Variants in ETV6 observed in about 807,000 individuals in gnomAD.
ETV6 encodes the protein ETS variant transcription factor 6.
In ETV6, 16 loss-of-function variants were observed where a neutral mutation model predicts 51.1. The ratio of observed to expected loss-of-function variants is 0.31; its 90% confidence interval spans 0.21 to 0.48. ETV6 has a LOEUF of 0.48. Among genes scored for constraint, ETV6 ranks in the 20% least tolerant of loss-of-function variants. The pLI, the probability that ETV6 is intolerant of heterozygous loss-of-function variation, is 0.99. For missense variants in ETV6, 458 were observed against 594.8 expected (o/e 0.77, Z 2.39); for synonymous variants, 240 against 224.1 (o/e 1.07, Z -0.64).
At chr12:11,743,580 C>T (rs148277190) in intron 1 of ETV6, among the ~76,000 whole-genome samples, 158 of 152,242 alleles carry the variant, frequency 1.0e-3, no homozygotes, top group African/African-American at 3.6e-3. Flanking sequence ...CATTATTCAG[C>T]GGTTCTCCAC....
chr12:11,792,172 C>T (rs559657353), intron 2 of ETV6, among the ~76,000 whole-genome samples: 14 of 152,344 alleles, frequency 9.2e-5, no homozygotes, highest in Non-Finnish European at 1.8e-4. Flanking sequence ...GTACAGAACA[C>T]TTAGGCAGTA....
intron 1 of ETV6, among the ~76,000 whole-genome samples, chr12:11,697,893 C>G (rs1035337970): frequency 6.6e-6 from 1 of 151,986 alleles, no homozygotes; most frequent in Non-Finnish European, 1.5e-5. Flanking sequence ...CCAATCATGC[C>G]CATAAGGTAA....
At chr12:11,835,156 G>A (rs979457957) in intron 2 of ETV6, among the ~76,000 whole-genome samples, 14 of 152,210 alleles carry the variant, frequency 9.2e-5, no homozygotes, top group Non-Finnish European at 1.6e-4. Context: ...GACCTACTCG[G>A]GAGAGGGGAG....
intron 4 of ETV6, among the ~76,000 whole-genome samples, chr12:11,862,881 G>C (rs1946736299): frequency 6.6e-6 from 1 of 152,166 alleles, no homozygotes; most frequent in Admixed American, 6.5e-5. Flanking sequence ...TCAAGACCTT[G>C]AGCTTATGAC....
At position 11,893,020 on chromosome 12, in the gene ETV6, C is replaced by A. The variant is rs973991216; in HGVS notation, c.*1974C>A. On this transcript the variant is annotated 3_prime_UTR_variant, in exon 8 of 8. Transcript: ENST00000396373. ...AACCTTCCGGGAGGTCAGGGACCTT[C>A]TATATGAGGCGAGTGGGTCTCAGTC... 1.6e-4 allele frequency: 38 copies of A among 232,760 alleles called. No homozygotes were observed. Among genetic ancestry groups the A allele is most frequent in the African/African-American group, 7.7e-4 (35 of 45,296 alleles). The allele number at this position is 232,760 out of a possible 1,614,324, so 14.4% of individuals were successfully genotyped here.
At chr12:11,786,213 CCAT>C (rs1945481233) in intron 2 of ETV6, among the ~76,000 whole-genome samples, 1 of 152,006 alleles carries the variant, frequency 6.6e-6, no homozygotes, top group Non-Finnish European at 1.5e-5. Flanking sequence ...TGGTATGACG[CCAT>C]CATTTCTGGT....
intron 4 of ETV6, among the ~76,000 whole-genome samples, chr12:11,858,869 A>G (rs1946670232): frequency 6.6e-6 from 1 of 152,058 alleles, no homozygotes; most frequent in African/African-American, 2.4e-5. Context: ...ATTGATCTCA[A>G]TTTTTCTTAC....
chr12:11,679,377 T>C (rs1864482869), intron 1 of ETV6, among the ~76,000 whole-genome samples: 1 of 152,234 alleles, frequency 6.6e-6, no homozygotes, highest in Admixed American at 6.5e-5. Context: ...ATGCACAGCA[T>C]AGGTAGAGTA....
chr12:11,738,858 CA>C (rs767416115), intron 1 of ETV6, among the ~76,000 whole-genome samples: 1 of 152,098 alleles, frequency 6.6e-6, no homozygotes, highest in African/African-American at 2.4e-5. Flanking sequence ...AAGTCATATC[CA>C]AAAGAGTGCC....
chr12:11,673,672 A>G (rs1474860515), intron 1 of ETV6, among the ~76,000 whole-genome samples: 1 of 152,176 alleles, frequency 6.6e-6, no homozygotes, highest in Non-Finnish European at 1.5e-5. Flanking sequence ...TAGTTGCCCA[A>G]ATACATCAGT....
At chr12:11,880,046 AAAAAAG>A (rs1281730377) in intron 5 of ETV6, among the ~76,000 whole-genome samples, 99 of 151,582 alleles carry the variant, frequency 6.5e-4, no homozygotes, top group African/African-American at 2.0e-3. Context: ...AAAAAAAAAA[AAAAAAG>A]GAAAAAAAAT....
intron 5 of ETV6, among the ~76,000 whole-genome samples, chr12:11,881,173 C>A (rs957513774): frequency 6.6e-6 from 1 of 152,148 alleles, no homozygotes; most frequent in African/African-American, 2.4e-5. Flanking sequence ...CCCGGACTTT[C>A]AAGCAAGTCT....
Position 11,649,944 on chromosome 12 carries a change from A to G in ETV6, c.-184A>G, listed in dbSNP as rs968066319. 1 of 349,830 alleles carries G rather than the reference A, an allele frequency of 2.9e-6. No individual in the cohort carries two copies. Among genetic ancestry groups the G allele is most frequent in the Non-Finnish European group, 5.1e-6 (1 of 197,446 alleles). 21.7% of individuals were successfully genotyped at this position (349,830 alleles called of 1,614,324 possible). ...CACGCCCCCGCCGCCCCGCGCGCCCAACTCCGCCGGCCGCCCCGCCCCGCC... is the reference window on the plus strand; with the variant it reads ...CACGCCCCCGCCGCCCCGCGCGCCCGACTCCGCCGGCCGCCCCGCCCCGCC... On this transcript the variant is annotated 5_prime_UTR_variant, in exon 1 of 8. Coordinates refer to ENST00000396373, the MANE Select transcript of ETV6 (RefSeq NM_001987.5).
chr12:11,675,216 C>T (rs1332926104), intron 1 of ETV6, among the ~76,000 whole-genome samples: 4 of 152,194 alleles, frequency 2.6e-5, no homozygotes, highest in African/African-American at 7.2e-5. Flanking sequence ...GGTGTTTTTA[C>T]ATTGATCTCA....
chr12:11,735,177 T>G (rs1865680615), intron 1 of ETV6, among the ~76,000 whole-genome samples: 1 of 141,722 alleles, frequency 7.1e-6, no homozygotes, highest in Non-Finnish European at 1.5e-5. Context: ...AGGGTTTACC[T>G]GCTGCTTAAC....
At chr12:11,887,177 C>G (rs1024020883) in intron 7 of ETV6, among the ~76,000 whole-genome samples, 3 of 152,202 alleles carry the variant, frequency 2.0e-5, no homozygotes, top group African/African-American at 4.8e-5. Flanking sequence ...TTCTCTGGCT[C>G]TACCGTATGG....
At chr12:11,820,662 G>C (rs916476981) in intron 2 of ETV6, among the ~76,000 whole-genome samples, 1 of 152,104 alleles carries the variant, frequency 6.6e-6, no homozygotes, top group Non-Finnish European at 1.5e-5. Flanking sequence ...GGCTGGAGCA[G>C]AATGAAGGAG....
intron 1 of ETV6, among the ~76,000 whole-genome samples, chr12:11,669,450 CTCTTTTCTT>C (rs1291845641): frequency 1.5e-5 from 2 of 137,146 alleles, no homozygotes; most frequent in East Asian, 4.7e-4. Flanking sequence ...TTTCTTTTCT[CTCTTTTCTT>C]TCTTTCCTTT....
Position 11,710,083 on chromosome 12 carries a change from C to T in ETV6, c.34-42367C>T, listed in dbSNP as rs531643693. Among the ~76,000 whole-genome samples, 40 of 152,252 alleles carry T rather than the reference C, an allele frequency of 2.6e-4. 1 individual carries two copies. The highest frequency in any genetic ancestry group is 4.6e-4 in the Non-Finnish European group (31 of 68,016). On this transcript the variant is annotated intron_variant, in intron 1 of 7. Coordinates refer to ENST00000396373, the MANE Select transcript of ETV6 (RefSeq NM_001987.5). ...ATCGGGAGGTCAGCAGTATATTAGG[C>T]GCATATCAGAAAGGCATTTGGATGA...
Sources: gnomAD v4.1 joint callset for allele counts (sites outside exome capture counted in the v4.1 genomes callset) on GRCh38, gnomAD v4.1.1 for gene constraint, MANE v1.5 for transcripts, NCBI Gene and HGNC (gene_info 2026-07-23, HGNC 2026-07-21) for gene names.